GRIA2: variants seen among roughly 807,000 people sequenced by gnomAD.
GRIA2 encodes the protein glutamate receptor 2.
Under a neutral mutation model 97.3 loss-of-function variants are expected in GRIA2, and 14 were observed. The ratio of observed to expected loss-of-function variants is 0.14; its 90% CI spans 0.10 to 0.23. GRIA2 has a LOEUF of 0.23. GRIA2 is among the 10% of genes least tolerant of loss of function. The pLI, the probability that GRIA2 is intolerant of heterozygous loss-of-function variation, is 1.00. For missense variants in GRIA2, 558 were observed against 1,069.8 expected, an observed-to-expected ratio of 0.52 and a Z score of 6.67; for synonymous variants, 412 against 387.8, an observed-to-expected ratio of 1.06 and a Z score of -0.73.
At chr4:157,265,272 C>T (rs562528512) in intron 2 of GRIA2, among the ~76,000 whole-genome samples, 1 of 152,236 alleles carries the variant, frequency 6.6e-6, no homozygotes, top group South Asian at 2.1e-4. Context: ...GGAATATAAA[C>T]ATTTGTTCCT....
intron 12 of GRIA2, among the ~76,000 whole-genome samples, chr4:157,347,029 C>T (rs552130329): frequency 1.3e-5 from 2 of 152,230 alleles, no homozygotes; most frequent in South Asian, 2.1e-4. Flanking sequence ...TTTCAGCTAA[C>T]GTTAGCTGGG....
intron 4 of GRIA2, among the ~76,000 whole-genome samples, chr4:157,314,764 A>C (rs1289348093): frequency 6.6e-6 from 1 of 152,192 alleles, no homozygotes; most frequent in Non-Finnish European, 1.5e-5. Context: ...ATCTATTCAA[A>C]ATGCAGAGTA....
chr4:157,286,994 C>A (rs895318245), intron 2 of GRIA2, among the ~76,000 whole-genome samples: 1 of 151,498 alleles, frequency 6.6e-6, no homozygotes, highest in East Asian at 1.9e-4. Flanking sequence ...TTGATCAATT[C>A]TAGAAAAATT....
At chr4:157,333,663 C>T (rs1215629380) in intron 8 of GRIA2, among the ~76,000 whole-genome samples, 1 of 151,968 alleles carries the variant, frequency 6.6e-6, no homozygotes, top group African/African-American at 2.4e-5. Flanking sequence ...CAAAAAGTAG[C>T]TGGTGCAAAT....
chr4:157,346,490 A>G (rs951869032), intron 12 of GRIA2, among the ~76,000 whole-genome samples: 1 of 152,136 alleles, frequency 6.6e-6, no homozygotes, highest in Non-Finnish European at 1.5e-5. Context: ...ATACATATGT[A>G]TATATCTATT....
chr4:157,289,751 C>A (rs1016015169), intron 2 of GRIA2, among the ~76,000 whole-genome samples: 1 of 151,624 alleles, frequency 6.6e-6, no homozygotes, highest in Non-Finnish European at 1.5e-5. Flanking sequence ...CACAGACACA[C>A]ATACACAAAC....
rs143272523 is a variant in GRIA2 at position 157,359,976 on chromosome 4, C to T, written c.2124C>T (p.Ala708=). The change falls in exon 13 of 16, where the codon GCC becomes GCT. Residue 708 remains alanine, a synonymous_variant. Coordinates refer to ENST00000264426, the MANE Select transcript of GRIA2 (RefSeq NM_001083619.3). ...CCTCTGTGTTTGTGAGGACTACGGC[C>T]GAAGGGGTGGCTAGAGTGCGGAAGT... ...AEPSVFVRTT[A]EGVARVRKSK... 3.9e-4 allele frequency: 624 copies of T among 1,613,754 alleles called. No individual in the cohort carries two copies. The highest frequency in any genetic ancestry group is 4.8e-4 in the Non-Finnish European group (568 of 1,179,868).
At chr4:157,357,257 G>A (rs1736425335) in intron 12 of GRIA2, among the ~76,000 whole-genome samples, 1 of 152,116 alleles carries the variant, frequency 6.6e-6, no homozygotes, top group South Asian at 2.1e-4. Flanking sequence ...ATTAGTAAAT[G>A]TCTTGTCCTA....
intron 2 of GRIA2, among the ~76,000 whole-genome samples, chr4:157,297,506 G>T (rs1363019862): frequency 6.6e-6 from 1 of 152,100 alleles, no homozygotes; most frequent in African/African-American, 2.4e-5. Flanking sequence ...CCCACAATGA[G>T]GCAGGTAGGT....
rs761939874 is a variant in GRIA2 at position 157,221,674 on chromosome 4, A to C, written c.96A>C (p.Leu32=). The C allele has an allele frequency of 1.2e-6, 2 of 1,613,754 alleles. No homozygotes were observed. The highest frequency in any genetic ancestry group is 2.7e-5 in the African/African-American group (2 of 74,884). Residue 32 remains leucine, a synonymous_variant, in exon 2 of 16, where the codon CTA becomes CTC. Coordinates refer to ENST00000264426, the MANE Select transcript of GRIA2 (RefSeq NM_001083619.3). ...GCTGTTTGTTCTTTGCAGGGGGGCT[A>C]TTTCCTAGGGGCGCCGATCAAGAAT... The part of the protein sequence containing the change: ...VSSNSIQIGG[L]FPRGADQEYS...
At chr4:157,329,521 C>T (rs995919583) in intron 6 of GRIA2, among the ~76,000 whole-genome samples, 7 of 151,908 alleles carry the variant, frequency 4.6e-5, no homozygotes, top group Admixed American at 2.0e-4. Flanking sequence ...AACAGTTAAA[C>T]TGTTATTGCG....
intron 3 of GRIA2, 107 bp from the exon 4 acceptor site, chr4:157,312,572 T>G (rs981753594): frequency 1.7e-6 from 1 of 595,156 alleles, no homozygotes; most frequent in Admixed American, 3.7e-5. Flanking sequence ...ATTCCTTTAG[T>G]TGCACAAATA....
Position 157,283,081 on chromosome 4 carries a change from A to C in GRIA2, c.230-20471A>C, listed in dbSNP as rs143504448. Among the ~76,000 whole-genome samples, 697 of 152,164 alleles carry C rather than the reference A, an allele frequency of 4.6e-3. 2 individuals carry two copies. Among genetic ancestry groups the C allele is most frequent in the African/African-American group, 0.016 (653 of 41,554 alleles). On this transcript the variant is annotated intron_variant, in intron 2 of 15. Transcript: ENST00000264426. ...ATCTACCTCTAGATGATATTTTTTC[A>C]AATATAAATGCTTTTCTAAACTTTC...
At chr4:157,236,390 A>G (rs1561003853) in intron 2 of GRIA2, among the ~76,000 whole-genome samples, 1 of 151,962 alleles carries the variant, frequency 6.6e-6, no homozygotes, top group Non-Finnish European at 1.5e-5. Context: ...CTTTATCTTG[A>G]TTGTTTTCTT....
chr4:157,262,219 T>C (rs1172084889), intron 2 of GRIA2, among the ~76,000 whole-genome samples: 1 of 152,090 alleles, frequency 6.6e-6, no homozygotes, highest in African/African-American at 2.4e-5. Context: ...GTAATCTTCA[T>C]AAATAAGGAG....
At chr4:157,339,369 CTG>C (rs1735448245) in intron 11 of GRIA2, among the ~76,000 whole-genome samples, 1 of 151,890 alleles carries the variant, frequency 6.6e-6, no homozygotes. Flanking sequence ...TAATTTTTGT[CTG>C]TCACCATAAA....
intron 2 of GRIA2, among the ~76,000 whole-genome samples, chr4:157,277,563 A>G (rs201676267): frequency 1.3e-5 from 2 of 151,716 alleles, no homozygotes; most frequent in African/African-American, 4.8e-5. Context: ...ATTAAGTTAT[A>G]CAGATTGGGA....
chr4:157,245,718 A>G (rs1251254377), intron 2 of GRIA2, among the ~76,000 whole-genome samples: 4 of 152,094 alleles, frequency 2.6e-5, no homozygotes, highest in African/African-American at 4.8e-5. Flanking sequence ...ACCTCTCTTG[A>G]TAATCTTTAT....
intron 2 of GRIA2, among the ~76,000 whole-genome samples, chr4:157,292,789 C>T (rs1733163745): frequency 6.6e-6 from 1 of 152,098 alleles, no homozygotes; most frequent in Non-Finnish European, 1.5e-5. Flanking sequence ...GCTCTGGAGT[C>T]AGGCTGCCTG....
Sources: allele counts gnomAD v4.1 joint callset (sites outside exome capture counted in the v4.1 genomes callset), GRCh38; gene constraint gnomAD v4.1.1; transcripts MANE v1.5; gene names NCBI Gene and HGNC (gene_info 2026-07-23, HGNC 2026-07-21).